The following KCTD8 variants were observed in gnomAD, a reference collection of about 807,000 sequenced individuals.
KCTD8 encodes potassium channel tetramerization domain containing 8.
A neutral mutation model predicts 31.5 loss-of-function variants in KCTD8; 27 were observed. That is an observed-to-expected ratio of 0.86 (90% confidence interval 0.63 to 1.18). The LOEUF (loss-of-function observed/expected upper bound fraction) is 1.18. KCTD8 is among the 50% of genes most tolerant of loss of function. The pLI, the probability that KCTD8 is intolerant of heterozygous loss-of-function variation, is 0.00. For synonymous variants in KCTD8, 290 were observed against 280.0 expected (o/e 1.04, Z -0.36); for missense variants, 658 against 647.7 (o/e 1.02, Z -0.17).
chr4:44,174,976 G>A lies in KCTD8; in HGVS notation c.1236C>T (p.Leu412=). 6.2e-7 allele frequency: 1 copy of A among 1,614,158 alleles called. No homozygotes were observed. The highest frequency in any genetic ancestry group is 1.7e-5 in the Admixed American group (1 of 60,022). Residue 412 remains leucine, a synonymous_variant, in exon 2 of 2, where the codon CTC becomes CTT. Transcript: ENST00000360029. ...PPPDKRRNSE[L]FQTLISKSRE... Reference sequence around the variant, plus strand: ...GGGACTTGCTGATGAGGGTCTGAAAGAGTTCACTGTTTCTGCGTTTGTCTG... The same window carrying A: ...GGGACTTGCTGATGAGGGTCTGAAAAAGTTCACTGTTTCTGCGTTTGTCTG...
intron 1 of KCTD8, among the ~76,000 whole-genome samples, chr4:44,194,223 TTC>T (rs1157378896): frequency 6.6e-6 from 1 of 152,192 alleles, no homozygotes; most frequent in Non-Finnish European, 1.5e-5. Flanking sequence ...AATGAGCAGA[TTC>T]TGTCAGTGTT....
intron 1 of KCTD8, among the ~76,000 whole-genome samples, chr4:44,376,592 T>G (rs1719922521): frequency 6.6e-6 from 1 of 152,178 alleles, no homozygotes; most frequent in Non-Finnish European, 1.5e-5. Context: ...ACTCCATTAG[T>G]ACATGTGAGA....
chr4:44,400,579 A>C (rs1370015519), intron 1 of KCTD8, among the ~76,000 whole-genome samples: 1 of 151,870 alleles, frequency 6.6e-6, no homozygotes, highest in Non-Finnish European at 1.5e-5. Flanking sequence ...AAATACAAAA[A>C]TTAGCCAGGT....
At chr4:44,250,062 C>G (rs1715780974) in intron 1 of KCTD8, among the ~76,000 whole-genome samples, 1 of 151,640 alleles carries the variant, frequency 6.6e-6, no homozygotes, top group African/African-American at 2.4e-5. Flanking sequence ...ATCATTTGTG[C>G]TTTTTAAAAA....
At chr4:44,374,210 C>T (rs1719862430) in intron 1 of KCTD8, among the ~76,000 whole-genome samples, 2 of 152,124 alleles carry the variant, frequency 1.3e-5, no homozygotes, top group Admixed American at 6.5e-5. Context: ...CGCAAAAATG[C>T]ATATAGATGT....
intron 1 of KCTD8, among the ~76,000 whole-genome samples, chr4:44,335,925 C>T (rs1046668673): frequency 1.3e-5 from 2 of 151,210 alleles, no homozygotes; most frequent in Non-Finnish European, 3.0e-5. Context: ...CCGAGGCGGG[C>T]GGATCACGAG....
chr4:44,213,460 T>C (rs531876336), intron 1 of KCTD8, among the ~76,000 whole-genome samples: 39 of 152,320 alleles, frequency 2.6e-4, no homozygotes, highest in Non-Finnish European at 4.7e-4. Flanking sequence ...CCAGTGTTTC[T>C]TCTGTTTGTT....
At chr4:44,180,689 G>T (rs1713355461) in intron 1 of KCTD8, among the ~76,000 whole-genome samples, 2 of 152,032 alleles carry the variant, frequency 1.3e-5, no homozygotes, top group African/African-American at 4.8e-5. Flanking sequence ...CTGGGTTTGA[G>T]CCTGGTTCAG....
intron 1 of KCTD8, among the ~76,000 whole-genome samples, chr4:44,237,116 G>T (rs1462352985): frequency 6.6e-6 from 1 of 152,160 alleles, no homozygotes; most frequent in East Asian, 1.9e-4. Context: ...ATGAAAAAAT[G>T]AAACTAAAGC....
chr4:44,240,827 C>T lies in KCTD8; in HGVS notation c.962-65577G>A, dbSNP rs962148996. On this transcript the variant is annotated intron_variant, in intron 1 of 1. Transcript: ENST00000360029. ...GATCAAAATAACACATTTAGGGCTGCGCAGAGTTTACATAGCACCAGTGGC... is the reference window on the plus strand; with the variant it reads ...GATCAAAATAACACATTTAGGGCTGTGCAGAGTTTACATAGCACCAGTGGC... Among the ~76,000 whole-genome samples, 12 of 152,240 alleles carry T rather than the reference C, an allele frequency of 7.9e-5. 1 individual carries two copies. The highest frequency in any genetic ancestry group is 6.2e-4 in the South Asian group (3 of 4,816).
chr4:44,382,257 A>T lies in KCTD8; in HGVS notation c.961+65306T>A, dbSNP rs191479015. On this transcript the variant is annotated intron_variant, in intron 1 of 1. Coordinates refer to ENST00000360029, the MANE Select transcript of KCTD8 (RefSeq NM_198353.3). Reference sequence around the variant, plus strand: ...CAAGATGAAGGACAAAAACCATATGATCATCTCAATAGATAGAGAAAACAC... The same window carrying T: ...CAAGATGAAGGACAAAAACCATATGTTCATCTCAATAGATAGAGAAAACAC... Among the ~76,000 whole-genome samples, 54 of 152,174 alleles carry T rather than the reference A, an allele frequency of 3.5e-4. No homozygotes were observed. In the East Asian group the frequency reaches 9.3e-3, roughly 26 times the overall value.
chr4:44,183,110 A>G (rs960186715), intron 1 of KCTD8, among the ~76,000 whole-genome samples: 2 of 152,234 alleles, frequency 1.3e-5, no homozygotes, highest in African/African-American at 4.8e-5. Flanking sequence ...ACACCTATGC[A>G]CATATGAATT....
In KCTD8 at chr4:44,448,383, C is replaced by A; in HGVS notation, c.141G>T (p.Glu47Asp). ...CAPSPFPEVV[E>D]LNVGGQVYVT... is the part of the protein sequence containing the mutation. ...CATAAACCTGGCCGCCTACGTTCAGCTCCACTACTTCAGGGAAGGGCGAGG... is the reference window on the plus strand; with the variant it reads ...CATAAACCTGGCCGCCTACGTTCAGATCCACTACTTCAGGGAAGGGCGAGG... The change falls in exon 1 of 2, where the codon GAG becomes GAT. Residue 47 changes from glutamate to aspartate, a missense_variant. Coordinates refer to ENST00000360029, the MANE Select transcript of KCTD8 (RefSeq NM_198353.3). This position sits in a 1 kb window ranked among gnomAD's most constrained non-coding sequence, Gnocchi z 4.1. 6.3e-7 allele frequency: 1 copy of A among 1,591,118 alleles called. No homozygotes were observed. The highest frequency in any genetic ancestry group is 1.8e-5 in the Admixed American group (1 of 55,298).
intron 1 of KCTD8, among the ~76,000 whole-genome samples, chr4:44,289,643 C>T (rs1370447108): frequency 6.6e-6 from 1 of 152,130 alleles, no homozygotes; most frequent in Non-Finnish European, 1.5e-5. Flanking sequence ...GGGATCCTAG[C>T]TACACGAGAT....
intron 1 of KCTD8, among the ~76,000 whole-genome samples, chr4:44,334,005 G>A (rs1304109032): frequency 2.6e-5 from 4 of 152,022 alleles, no homozygotes; most frequent in Non-Finnish European, 5.9e-5. Context: ...CATACAACTG[G>A]AGAAATCACT....
intron 1 of KCTD8, among the ~76,000 whole-genome samples, chr4:44,372,942 C>G (rs1935143401): frequency 6.6e-6 from 1 of 152,164 alleles, no homozygotes; most frequent in African/African-American, 2.4e-5. Context: ...GTTTCAGCAG[C>G]TCACATAAAA....
chr4:44,303,075 G>A (rs186687763), intron 1 of KCTD8, among the ~76,000 whole-genome samples: 2 of 152,150 alleles, frequency 1.3e-5, no homozygotes, highest in Non-Finnish European at 2.9e-5. Flanking sequence ...AAGCCCACTT[G>A]ATCAGGGTGG....
Position 44,448,563 on chromosome 4 carries a change from A to G in KCTD8, c.-40T>C. 1 of 1,407,420 alleles carries G rather than the reference A, an allele frequency of 7.1e-7. No individual in the cohort carries two copies. The highest frequency in any genetic ancestry group is 9.2e-7 in the Non-Finnish European group (1 of 1,084,700). 87.2% of individuals were successfully genotyped at this position (1,407,420 alleles called of 1,614,324 possible). ...CGGCCCAGTGACCCGAGAGAGCTGC[A>G]CTTTCTCGTTCCCGGAGCCCGCGCC... On this transcript the variant is annotated 5_prime_UTR_variant, in exon 1 of 2. Coordinates refer to ENST00000360029, the MANE Select transcript of KCTD8 (RefSeq NM_198353.3). The surrounding 1 kb of genome is among the most constrained non-coding windows in gnomAD (Gnocchi z 4.1).
chr4:44,209,308 C>T (rs1311512336), intron 1 of KCTD8, among the ~76,000 whole-genome samples: 2 of 152,066 alleles, frequency 1.3e-5, no homozygotes, highest in Non-Finnish European at 2.9e-5. Context: ...GCGAGATACC[C>T]CTAGGACATA....
Sources: gnomAD v4.1 joint callset for allele counts (sites outside exome capture counted in the v4.1 genomes callset) on GRCh38, gnomAD v4.1.1 for gene constraint, Gnocchi (gnomAD v3.1) non-coding constraint, MANE v1.5 for transcripts, NCBI Gene and HGNC (gene_info 2026-07-23, HGNC 2026-07-21) for gene names.